USP48: variants seen among roughly 807,000 people sequenced by gnomAD.
The protein encoded by USP48 is ubiquitin specific peptidase 48.
In USP48, 43 loss-of-function variants were observed where a neutral mutation model predicts 150.7. That is an observed-to-expected ratio of 0.29 (90% CI 0.22 to 0.37). USP48 has a LOEUF of 0.37. USP48 is among the 10% of genes least tolerant of loss of function. The probability of loss-of-function intolerance (pLI) is 1.00; values close to 1 mark genes in which losing one functional copy is unlikely to be tolerated. For missense variants in USP48, 813 were observed against 1,249.6 expected (o/e 0.65, Z 5.27); for synonymous variants, 396 against 425.9 (o/e 0.93, Z 0.86).
intron 15 of USP48, among the ~76,000 whole-genome samples, chr1:21,711,931 T>G (rs1384063279): frequency 6.6e-6 from 1 of 152,198 alleles, no homozygotes; most frequent in African/African-American, 2.4e-5. Flanking sequence ...AACAGACAAC[T>G]AAATACCTAG....
chr1:21,693,024 A>T (rs2097607631), intron 23 of USP48, among the ~76,000 whole-genome samples: 1 of 152,126 alleles, frequency 6.6e-6, no homozygotes, highest in Admixed American at 6.5e-5. Context: ...TGTTGCTATC[A>T]GGGAGTGGCT....
At chr1:21,735,543 G>C (rs1273411723) in intron 9 of USP48, among the ~76,000 whole-genome samples, 2 of 152,140 alleles carry the variant, frequency 1.3e-5, no homozygotes, top group African/African-American at 4.8e-5. Context: ...TGGAGGCCAG[G>C]AACTCAAGAC....
chr1:21,757,600 A>G (rs2097840153), intron 2 of USP48, 63 bp downstream of exon 2: 3 of 1,565,436 alleles, frequency 1.9e-6, no homozygotes, highest in East Asian at 4.5e-5. Context: ...ACAGGCCCAA[A>G]ACAAAAGCAA....
rs1331208538 is a variant in USP48 at position 21,679,056 on chromosome 1, T to C, written c.*361A>G. 17 of 358,646 alleles carry C rather than the reference T, an allele frequency of 4.7e-5. No homozygotes were observed. The highest frequency in any genetic ancestry group is 5.2e-5 in the Non-Finnish European group (10 of 193,188). The allele number at this position is 358,646 out of a possible 1,614,324, so 22.2% of individuals were successfully genotyped here. A position where few individuals can be genotyped will look rare whatever the true frequency, so the allele number is the denominator to read the frequency against. The stretch of plus-strand genomic sequence containing the variant: ...CCTTTATGGACCAACGCATCTGGTA[T>C]GAAACTCGAGCAAGGAAATATAACA... On this transcript the variant is annotated 3_prime_UTR_variant, in exon 27 of 27. Coordinates refer to ENST00000308271, the MANE Select transcript of USP48 (RefSeq NM_032236.8).
chr1:21,770,664 T>A (rs2097877228), intron 1 of USP48, among the ~76,000 whole-genome samples: 1 of 151,358 alleles, frequency 6.6e-6, no homozygotes, highest in South Asian at 2.1e-4. Flanking sequence ...GTATTTTTAG[T>A]ACAGACAGGG....
intron 9 of USP48, among the ~76,000 whole-genome samples, chr1:21,733,510 A>G (rs570252764): frequency 6.6e-6 from 1 of 152,362 alleles, no homozygotes; most frequent in East Asian, 1.9e-4. Flanking sequence ...GATACAACAT[A>G]ATAATGAATG....
Position 21,721,094 on chromosome 1 carries a change from C to G in USP48, c.1836G>C (p.Glu612Asp). The change falls in exon 14 of 27, where the codon GAG (glutamate) becomes GAC (aspartate). Residue 612 changes from glutamate to aspartate, a missense_variant. By Grantham distance (45) the Glu-to-Asp change is conservative. Transcript: ENST00000308271. The stretch of plus-strand genomic sequence containing the variant: ...TGCTTTGTTCTGCATCACCATCTTG[C>G]TCATCCAGCTGTTCAAGAGCTAGCT... ...WRQLALEQLD[E>D]QDGDAEQSNG... 1 of 1,614,262 alleles carries G rather than the reference C, an allele frequency of 6.2e-7. No individual in the cohort carries two copies.
chr1:21,753,243 T>C, intron 3 of USP48, 124 bp from the exon 4 acceptor site: 1 of 1,074,466 alleles, frequency 9.3e-7, no homozygotes, highest in Non-Finnish European at 1.3e-6. Context: ...AATACTTTAT[T>C]ATCATTTTAA....
intron 14 of USP48, among the ~76,000 whole-genome samples, chr1:21,716,142 T>G (rs996060392): frequency 6.6e-6 from 1 of 152,026 alleles, no homozygotes; most frequent in Non-Finnish European, 1.5e-5. Flanking sequence ...CTTAGTAACC[T>G]CAGCATATGA....
chr1:21,728,906 T>A (rs1354558894), intron 10 of USP48, among the ~76,000 whole-genome samples, 187 bp from the exon 11 acceptor site: 1 of 152,128 alleles, frequency 6.6e-6, no homozygotes, highest in African/African-American at 2.4e-5. Flanking sequence ...ACTGGAATAA[T>A]CCTAAATTGA....
In USP48 at chr1:21,730,767, CT is replaced by C. The variant is rs202206884; in HGVS notation, c.1172-936del. ...CAACTCTACTGGAAATATTTTTATT[CT>C]TTTTTTTTTTTTTGAGACAGTCTTG... is the stretch of plus-strand genomic sequence containing the variant. On this transcript the variant is annotated intron_variant, in intron 9 of 26. Coordinates refer to ENST00000308271, the MANE Select transcript of USP48 (RefSeq NM_032236.8). Among the ~76,000 whole-genome samples, 1,150 of 143,152 alleles carry C rather than the reference CT, an allele frequency of 8.0e-3. 54 individuals are homozygous for C. The East Asian group carries it at 0.15, about 19-fold the overall frequency. The allele number at this position is 143,152 out of a possible 152,430, so 93.9% of individuals were successfully genotyped here.
At position 21,680,799 on chromosome 1, in the gene USP48, G is replaced by GT. The variant is rs757888684; in HGVS notation, c.3085+8dup. The GT allele has an allele frequency of 1.3e-6, 2 of 1,585,608 alleles. No homozygotes were observed. The highest frequency in any genetic ancestry group is 1.4e-5 in the African/African-American group (1 of 72,598). On this transcript the variant is annotated intron_variant, in intron 26 of 26. Coordinates refer to ENST00000308271, the MANE Select transcript of USP48 (RefSeq NM_032236.8). The stretch of plus-strand genomic sequence containing the variant: ...CATTCATGAACAAAACATGACAAAT[G>GT]TAACTTACCTTTAAACCCTTCTTCT...
chr1:21,727,440 C>T (rs1343281723), intron 11 of USP48, among the ~76,000 whole-genome samples: 1 of 152,210 alleles, frequency 6.6e-6, no homozygotes, highest in African/African-American at 2.4e-5. Context: ...TAACTTGACA[C>T]ATAACATCTT....
chr1:21,711,427 T>A (rs572452798), intron 15 of USP48, among the ~76,000 whole-genome samples: 1 of 152,272 alleles, frequency 6.6e-6, no homozygotes, highest in East Asian at 1.9e-4. Flanking sequence ...ATGCTTATTC[T>A]AGGACAACAA....
At chr1:21,749,625 C>T (rs947984783) in intron 6 of USP48, among the ~76,000 whole-genome samples, 1 of 151,794 alleles carries the variant, frequency 6.6e-6, no homozygotes, top group Admixed American at 6.6e-5. Flanking sequence ...TTTTTACAGA[C>T]AGGGTCTTGC....
chr1:21,701,524 C>T lies in USP48; in HGVS notation c.2701G>A (p.Gly901Arg). Residue 901 changes from glycine (G) to arginine (R), a missense_variant, in exon 22 of 27, where the codon GGA becomes AGA. Gly to Arg is a moderately radical substitution (Grantham distance 125). Transcript: ENST00000308271. ...EEDKEEAKPD[G>R]EKDPDFNQSN... is the part of the protein sequence containing the mutation. ...TGATTAAAATCTGGATCTTTTTCTC[C>T]ATCTGGTTTAGCTTCTTCCTTGTCC... is the stretch of plus-strand genomic sequence containing the variant. 6.2e-7 allele frequency: 1 copy of T among 1,613,944 alleles called. No homozygotes were observed. The highest frequency in any genetic ancestry group is 8.5e-7 in the Non-Finnish European group (1 of 1,179,900).
At chr1:21,726,762 A>C (rs1317369084) in intron 11 of USP48, among the ~76,000 whole-genome samples, 3 of 152,182 alleles carry the variant, frequency 2.0e-5, no homozygotes, top group African/African-American at 7.2e-5. Flanking sequence ...TATATTCCCT[A>C]GTATTTGTGA....
chr1:21,764,300 G>A (rs2152624829), intron 1 of USP48, among the ~76,000 whole-genome samples: 1 of 152,170 alleles, frequency 6.6e-6, no homozygotes, highest in Non-Finnish European at 1.5e-5. Context: ...TTAGCCAGGT[G>A]TGGTGGCATA....
At chr1:21,700,811 C>T (rs1206315286) in intron 22 of USP48, among the ~76,000 whole-genome samples, 5 of 151,200 alleles carry the variant, frequency 3.3e-5, no homozygotes, top group East Asian at 2.0e-4. Context: ...CGGTGGCTCA[C>T]GCCTATAATC....
Sources: allele counts gnomAD v4.1 joint callset (sites outside exome capture counted in the v4.1 genomes callset), GRCh38; gene constraint gnomAD v4.1.1; transcripts MANE v1.5; gene names NCBI Gene and HGNC (gene_info 2026-07-23, HGNC 2026-07-21).